Variants in CNTLN observed in about 807,000 individuals in gnomAD.
CNTLN encodes the protein centlein.
In CNTLN, 212 loss-of-function variants were observed where a neutral mutation model predicts 180.0. That is an observed-to-expected ratio of 1.18 (90% CI 1.05 to 1.32). The LOEUF is 1.32. CNTLN is among the 40% of genes most tolerant of loss of function. CNTLN has a pLI of 0.00. For missense variants in CNTLN, 2,095 were observed against 1,610.9 expected (o/e 1.30, Z -5.14); for synonymous variants, 722 against 563.1 (o/e 1.28, Z -3.99).
intron 15 of CNTLN, 68 bp downstream of exon 15, chr9:17,395,137 G>T (rs1027472561): frequency 2.0e-6 from 3 of 1,490,454 alleles, no homozygotes; most frequent in Non-Finnish European, 1.8e-6. Context: ...AGCAAATGGA[G>T]ATTGAATTTC....
Position 17,188,056 on chromosome 9 carries a change from TAA to T in CNTLN, c.450-38145_450-38144del, listed in dbSNP as rs1339244535. 4.6e-5 allele frequency among the ~76,000 whole-genome samples: 7 copies of T among 150,664 alleles called. No homozygotes were observed. The South Asian group carries it at 1.2e-3, about 27-fold the overall frequency. On this transcript the variant is annotated intron_variant, in intron 2 of 25. Coordinates refer to ENST00000380647, the MANE Select transcript of CNTLN (RefSeq NM_017738.4). ...TACACAGCATATTTATGTATATATA[TAA>T]ATTGTAGTTTCCTTTGAATTCTTTC...
chr9:17,263,166 A>G lies in CNTLN; in HGVS notation c.850-10567A>G, dbSNP rs1043240655. ...ATTAAGTCGTCATTTAGCATTAGGT[A>G]TATCTCCTAATGCTATCCCTCCCCC... On this transcript the variant is annotated intron_variant, in intron 5 of 25. Transcript: ENST00000380647. 5.7e-4 allele frequency among the ~76,000 whole-genome samples: 84 copies of G among 147,456 alleles called. 1 individual carries two copies. The highest frequency in any genetic ancestry group is 2.1e-3 in the African/African-American group (81 of 39,274).
chr9:17,175,105 C>G (rs1410987666), intron 2 of CNTLN, among the ~76,000 whole-genome samples: 2 of 152,146 alleles, frequency 1.3e-5, no homozygotes, highest in Non-Finnish European at 2.9e-5. Context: ...GTTTCATCCT[C>G]TTAACAAGGT....
chr9:17,423,867 G>C (rs895357407), intron 18 of CNTLN, among the ~76,000 whole-genome samples: 1 of 152,090 alleles, frequency 6.6e-6, no homozygotes, highest in African/African-American at 2.4e-5. Flanking sequence ...GCTCAGTGTA[G>C]CACTGCTGGG....
chr9:17,393,142 G>A (rs1193176509), intron 14 of CNTLN, among the ~76,000 whole-genome samples: 1 of 152,002 alleles, frequency 6.6e-6, no homozygotes, highest in Non-Finnish European at 1.5e-5. Context: ...GTCCTCACAT[G>A]GTCTAAGGAG....
chr9:17,298,304 G>C lies in CNTLN; in HGVS notation c.1098G>C (p.Leu366=), dbSNP rs1044543060. ...TCAATATGGACACACAAAAAGTACT[G>C]AGAAATCAGGAAGATGTTCACACAG... ...QVLNMDTQKV[L]RNQEDVHTAE... The change falls in exon 7 of 26, where the codon CTG becomes CTC. Residue 366 remains leucine, a synonymous_variant. Coordinates refer to ENST00000380647, the MANE Select transcript of CNTLN (RefSeq NM_017738.4). 2.5e-6 allele frequency: 4 copies of C among 1,613,070 alleles called. No individual in the cohort carries two copies. The highest frequency in any genetic ancestry group is 3.4e-6 in the Non-Finnish European group (4 of 1,179,706).
At chr9:17,355,861 G>A (rs753348296) in intron 12 of CNTLN, among the ~76,000 whole-genome samples, 98 of 151,326 alleles carry the variant, frequency 6.5e-4, no homozygotes, top group Non-Finnish European at 1.2e-3. Flanking sequence ...TTAAGAGATC[G>A]AGACCATCCT....
At chr9:17,393,060 G>A (rs1304462987) in intron 14 of CNTLN, among the ~76,000 whole-genome samples, 2 of 152,192 alleles carry the variant, frequency 1.3e-5, no homozygotes. Flanking sequence ...CAAGATCCAA[G>A]TGTCCAAGAT....
chr9:17,267,084 A>G (rs1563938505), intron 5 of CNTLN, among the ~76,000 whole-genome samples: 2 of 152,074 alleles, frequency 1.3e-5, no homozygotes, highest in South Asian at 4.2e-4. Flanking sequence ...TGTCATTATG[A>G]TGTTAGCTGG....
intron 16 of CNTLN, among the ~76,000 whole-genome samples, chr9:17,415,230 A>G (rs765763345): frequency 2.6e-5 from 4 of 152,234 alleles, no homozygotes; most frequent in Admixed American, 6.5e-5. Context: ...AGGAAAACAT[A>G]CAGCTTCAGG....
chr9:17,401,935 T>C (rs529322478), intron 15 of CNTLN, among the ~76,000 whole-genome samples: 1 of 151,594 alleles, frequency 6.6e-6, no homozygotes, highest in Admixed American at 6.6e-5. Context: ...ATCCAGAAGA[T>C]TTAAAGATCA....
chr9:17,280,192 C>T (rs1181927040), intron 6 of CNTLN, among the ~76,000 whole-genome samples: 2 of 152,154 alleles, frequency 1.3e-5, no homozygotes, highest in Non-Finnish European at 2.9e-5. Flanking sequence ...ATTTATATTT[C>T]AGCAGTAAAA....
At chr9:17,165,012 G>C (rs1231014621) in intron 2 of CNTLN, among the ~76,000 whole-genome samples, 1 of 150,190 alleles carries the variant, frequency 6.7e-6, no homozygotes, top group Non-Finnish European at 1.5e-5. Context: ...ATTTTTTTTT[G>C]TATTTTTAGT....
chr9:17,415,819 C>A lies in CNTLN; in HGVS notation c.2828C>A (p.Pro943Gln), dbSNP rs779587318. The change falls in exon 17 of 26, where the codon CCA becomes CAA. Residue 943 changes from proline (P) to glutamine (Q), a missense_variant. Physicochemically the swap from Pro to Gln is moderately conservative, Grantham distance 76. Coordinates refer to ENST00000380647, the MANE Select transcript of CNTLN (RefSeq NM_017738.4). ...TTTCATGATAAGAATGCCAAAAAAC[C>A]AACTTTTCAAAAGAAGAATTGCAAG... Reference protein sequence around the residue: ...DYFHDKNAKKPTFQKKNCKMQ... With the variant: ...DYFHDKNAKKQTFQKKNCKMQ... 9.3e-6 allele frequency: 15 copies of A among 1,611,808 alleles called. No homozygotes were observed. Among genetic ancestry groups the A allele is most frequent in the Admixed American group, 3.3e-5 (2 of 59,848 alleles).
Position 17,330,061 on chromosome 9 carries a change from T to C in CNTLN, c.1342-571T>C, listed in dbSNP as rs536901623. 3.4e-4 allele frequency among the ~76,000 whole-genome samples: 51 copies of C among 152,186 alleles called. 1 individual carries two copies. The highest frequency in any genetic ancestry group is 2.3e-3 in the South Asian group (11 of 4,826). ...ATTAGTTTTCCTGTGACTTCTGTTG[T>C]TAAAATGTGGAGCTTACCATTAGCA... On this transcript the variant is annotated intron_variant, in intron 8 of 25. Coordinates refer to ENST00000380647, the MANE Select transcript of CNTLN (RefSeq NM_017738.4).
intron 5 of CNTLN, among the ~76,000 whole-genome samples, chr9:17,263,195 C>T (rs562791791): frequency 1.8e-5 from 2 of 112,608 alleles, no homozygotes; most frequent in African/African-American, 7.1e-5. Context: ...CTCCCCCCTC[C>T]CCCCACCCCA....
intron 2 of CNTLN, among the ~76,000 whole-genome samples, chr9:17,186,420 A>T (rs1821438525): frequency 6.6e-6 from 1 of 152,210 alleles, no homozygotes; most frequent in Non-Finnish European, 1.5e-5. Flanking sequence ...GGTAGAATTC[A>T]TCTTGATTTT....
chr9:17,380,223 T>C (rs1825126659), intron 13 of CNTLN, among the ~76,000 whole-genome samples: 1 of 152,156 alleles, frequency 6.6e-6, no homozygotes, highest in South Asian at 2.1e-4. Flanking sequence ...TGCCATGTGA[T>C]AGACCTGAGG....
intron 5 of CNTLN, among the ~76,000 whole-genome samples, chr9:17,247,714 T>G (rs181887370): frequency 6.6e-5 from 10 of 152,174 alleles, no homozygotes; most frequent in East Asian, 1.9e-4. Flanking sequence ...GCCATCTTGC[T>G]CCACTTCCTC....
Sources: gnomAD v4.1 joint callset for allele counts (sites outside exome capture counted in the v4.1 genomes callset) on GRCh38, gnomAD v4.1.1 for gene constraint, MANE v1.5 for transcripts, NCBI Gene and HGNC (gene_info 2026-07-23, HGNC 2026-07-21) for gene names.